Variants in CTNNA2 observed in about 807,000 individuals in gnomAD.
The protein encoded by CTNNA2 is catenin alpha-2.
Under a neutral mutation model 101.0 loss-of-function variants are expected in CTNNA2, and 42 were observed. That is an observed-to-expected ratio of 0.42 (90% CI 0.32 to 0.54). CTNNA2 has a LOEUF of 0.54. Ranked by LOEUF, CTNNA2 falls within the 20% of genes least tolerant of loss-of-function variation. The pLI is 0.14. For missense variants in CTNNA2, 871 were observed against 1,223.1 expected (o/e 0.71, Z 4.29); for synonymous variants, 450 against 456.4 (o/e 0.99, Z 0.18).
intron 3 of CTNNA2, among the ~76,000 whole-genome samples, chr2:79,846,115 C>T (rs1048844591): frequency 3.9e-5 from 6 of 152,172 alleles, no homozygotes; most frequent in Non-Finnish European, 8.8e-5. Flanking sequence ...TAAAATATAA[C>T]TTAATTGAGC....
chr2:79,972,653 G>A (rs536866554), intron 7 of CTNNA2, among the ~76,000 whole-genome samples: 1 of 152,234 alleles, frequency 6.6e-6, no homozygotes, highest in East Asian at 1.9e-4. Context: ...TAATGTGGTG[G>A]TTTATTCCAA....
At position 79,571,177 on chromosome 2, in the gene CTNNA2, A is replaced by G. The variant is rs548294277; in HGVS notation, c.-6+57970A>G. On this transcript the variant is annotated intron_variant, in intron 1 of 18. Transcript: ENST00000402739. ...TTGGCTTAAATTATTTCAACATGGT[A>G]AAAGGAAATGGGCCTGTTTTCCATT... Among the ~76,000 whole-genome samples the G allele has an allele frequency of 2.8e-3, 426 of 152,262 alleles. 5 individuals are homozygous for G. The highest frequency in any genetic ancestry group is 9.6e-3 in the African/African-American group (400 of 41,564).
At chr2:80,455,396 T>C (rs1437898591) in intron 9 of CTNNA2, among the ~76,000 whole-genome samples, 1 of 152,164 alleles carries the variant, frequency 6.6e-6, no homozygotes, top group Non-Finnish European at 1.5e-5. Context: ...GGCAGGACTT[T>C]GTGGAGCCAA....
At chr2:80,027,288 T>C (rs1694988557) in intron 7 of CTNNA2, among the ~76,000 whole-genome samples, 1 of 152,116 alleles carries the variant, frequency 6.6e-6, no homozygotes, top group Non-Finnish European at 1.5e-5. Context: ...GAGCTTGCTG[T>C]GTTCAAAGAA....
chr2:79,256,656 C>T (rs1674847919), intron 2 of CTNNA2, among the ~76,000 whole-genome samples: 1 of 152,164 alleles, frequency 6.6e-6, no homozygotes, highest in South Asian at 2.1e-4. Flanking sequence ...ACTACTTGCT[C>T]AAGCATACGT....
chr2:79,340,833 CAAAAAAAAAAAA>C (rs56276462), intron 3 of CTNNA2, among the ~76,000 whole-genome samples: 2 of 32,534 alleles, frequency 6.1e-5, no homozygotes, highest in Non-Finnish European at 1.1e-4. Flanking sequence ...GACTCAGTCT[CAAAAAAAAAAAA>C]AAAAAAAAAG....
rs567326917 is a variant in CTNNA2 at position 80,508,218 on chromosome 2, G to A, written c.1291-36764G>A. ...ACAGTGGCTCATGCCCGTAATTCTA[G>A]CACTTTGGGAGGCTGAGGAAAGGAA... On this transcript the variant is annotated intron_variant, in intron 9 of 18. Transcript: ENST00000402739. Among the ~76,000 whole-genome samples, 4 of 152,290 alleles carry A rather than the reference G, an allele frequency of 2.6e-5. No individual in the cohort carries two copies. In the South Asian group the frequency reaches 8.3e-4, roughly 32 times the overall value.
In CTNNA2 at chr2:80,201,527, C is replaced by A. The variant is rs986640040; in HGVS notation, c.1057-191684C>A. On this transcript the variant is annotated intron_variant, in intron 7 of 18. Coordinates refer to ENST00000402739, the MANE Select transcript of CTNNA2 (RefSeq NM_001282597.3). ...TAGCTGGGACTACAGGCGCCTGCCACCATGCCTGGCTAAATTTGTGTATTT... is the reference window on the plus strand; with the variant it reads ...TAGCTGGGACTACAGGCGCCTGCCAACATGCCTGGCTAAATTTGTGTATTT... Among the ~76,000 whole-genome samples, 4 of 151,886 alleles carry A rather than the reference C, an allele frequency of 2.6e-5. No individual in the cohort carries two copies. The East Asian group carries it at 7.8e-4, about 29-fold the overall frequency.
intron 7 of CTNNA2, among the ~76,000 whole-genome samples, chr2:79,972,856 C>T (rs186318591): frequency 9.9e-4 from 151 of 152,196 alleles, no homozygotes; most frequent in Admixed American, 8.9e-3. Flanking sequence ...AGTGTTCACC[C>T]GGTGGAGAAC....
At chr2:79,985,233 T>C (rs754645194) in intron 7 of CTNNA2, among the ~76,000 whole-genome samples, 2 of 152,172 alleles carry the variant, frequency 1.3e-5, no homozygotes, top group African/African-American at 2.4e-5. Flanking sequence ...TATACAGTGC[T>C]GCACACTCCA....
chr2:79,408,782 C>A (rs1209344162), intron 4 of CTNNA2, among the ~76,000 whole-genome samples: 1 of 151,960 alleles, frequency 6.6e-6, no homozygotes, highest in East Asian at 1.9e-4. Flanking sequence ...GTCTTTATAG[C>A]AGCATGATTT....
Position 79,186,507 on chromosome 2 carries a change from G to A in CTNNA2, c.-524+1076G>A, listed in dbSNP as rs148122151. On this transcript the variant is annotated intron_variant, in intron 1 of 21. Transcript: ENST00000466387. ...CTTTTTTATTAGAAGCAATCAATGC[G>A]CTCAACTAACTTAAGCAATAAATAC... is the stretch of plus-strand genomic sequence containing the variant. Among the ~76,000 whole-genome samples, 589 of 152,206 alleles carry A rather than the reference G, an allele frequency of 3.9e-3. 5 individuals are homozygous for A. The highest frequency in any genetic ancestry group is 0.013 in the African/African-American group (541 of 41,528).
chr2:79,720,267 C>T (rs1686392855), intron 2 of CTNNA2, among the ~76,000 whole-genome samples: 1 of 152,072 alleles, frequency 6.6e-6, no homozygotes, highest in Non-Finnish European at 1.5e-5. Flanking sequence ...TGTTTTTGTA[C>T]CAGTACCGTG....
chr2:79,555,164 A>C (rs1674365352), intron 1 of CTNNA2, among the ~76,000 whole-genome samples: 1 of 152,162 alleles, frequency 6.6e-6, no homozygotes, highest in African/African-American at 2.4e-5. Context: ...TGACATCCTT[A>C]GGATTCCTAG....
chr2:80,567,088 G>A (rs558315305), intron 12 of CTNNA2, among the ~76,000 whole-genome samples: 6 of 152,260 alleles, frequency 3.9e-5, no homozygotes, highest in South Asian at 2.1e-4. Flanking sequence ...CACTATTTGC[G>A]AAGTAGACGT....
intron 1 of CTNNA2, among the ~76,000 whole-genome samples, chr2:79,627,103 G>A (rs1367280908): frequency 2.0e-5 from 3 of 152,074 alleles, no homozygotes; most frequent in Admixed American, 1.3e-4. Context: ...GACAGCTCTG[G>A]GAATGCGTTT....
At chr2:80,321,711 G>A (rs374532870) in intron 7 of CTNNA2, among the ~76,000 whole-genome samples, 4 of 152,258 alleles carry the variant, frequency 2.6e-5, no homozygotes, top group South Asian at 2.1e-4. Context: ...GCAAGGTTTC[G>A]TTTTTGTGAA....
At chr2:79,851,099 A>G (rs1429693120) in intron 3 of CTNNA2, among the ~76,000 whole-genome samples, 1 of 152,236 alleles carries the variant, frequency 6.6e-6, no homozygotes, top group African/African-American at 2.4e-5. Context: ...GATTCTTATC[A>G]AAGAACCACT....
intron 4 of CTNNA2, among the ~76,000 whole-genome samples, chr2:79,451,473 A>AT (rs2104527321): frequency 6.6e-6 from 1 of 152,192 alleles, no homozygotes; most frequent in East Asian, 1.9e-4. Flanking sequence ...TTTAAAAAAA[A>AT]ACTCAGCAAC....
Sources: gnomAD v4.1 joint callset for allele counts (sites outside exome capture counted in the v4.1 genomes callset) on GRCh38, gnomAD v4.1.1 for gene constraint, MANE v1.5 for transcripts, NCBI Gene and HGNC (gene_info 2026-07-23, HGNC 2026-07-21) for gene names.